ITPRIPL1: variants seen among roughly 807,000 people sequenced by gnomAD.
ITPRIPL1 encodes the protein inositol 1,4,5-trisphosphate receptor-interacting protein-like 1.
Under a neutral mutation model 40.0 loss-of-function variants are expected in ITPRIPL1, and 28 were observed. The observed-to-expected ratio is 0.70, with a 90% confidence interval of 0.52 to 0.96. The LOEUF is 0.96. Among genes scored for constraint, ITPRIPL1 ranks in the 40% least tolerant of loss-of-function variants. The probability of loss-of-function intolerance (pLI) is 0.00; values close to 1 mark genes in which losing one functional copy is unlikely to be tolerated. For synonymous variants in ITPRIPL1, 251 were observed against 275.7 expected (o/e 0.91, Z 0.89); for missense variants, 638 against 698.0 (o/e 0.91, Z 0.97).
In ITPRIPL1 at chr2:96,326,855, T is replaced by A. The variant is rs1201817574; in HGVS notation, c.224T>A (p.Phe75Tyr). 6.2e-7 allele frequency: 1 copy of A among 1,614,032 alleles called. No homozygotes were observed. Among genetic ancestry groups the A allele is most frequent in the Non-Finnish European group, 8.5e-7 (1 of 1,180,022 alleles). ...AAEQRQKAEN[F>Y]WTGDTSSDQL... ...GAGCAGAGGCAGAAGGCAGAGAACT[T>A]CTGGACAGGAGACACATCCAGTGAC... The change falls in exon 3 of 3, where the codon TTC (phenylalanine) becomes TAC (tyrosine). Residue 75 changes from phenylalanine to tyrosine, a missense_variant. Transcript: ENST00000439118.
chr2:96,325,598 T>A, intron 1 of ITPRIPL1, 33 bp downstream of exon 1: 1 of 592,628 alleles, frequency 1.7e-6, no homozygotes. Context: ...CCGGGAGACA[T>A]CCCGAGGTAG....
chr2:96,326,771 G>C lies in ITPRIPL1; in HGVS notation c.140G>C (p.Arg47Pro). The change falls in exon 3 of 3, where the codon CGA becomes CCA. Residue 47 changes from arginine to proline, a missense_variant. Physicochemically the swap from Arg to Pro is moderately radical, Grantham distance 103 (BLOSUM62 -2). Transcript: ENST00000439118. Reference protein sequence around the residue: ...TLARSRQLEKRMSEEMRLLEM... With the variant: ...TLARSRQLEKPMSEEMRLLEM... ...GCCAGGAGTCGGCAGCTGGAGAAGC[G>C]AATGAGTGAGGAGATGCGCCTGCTA... 2 of 1,614,212 alleles carry C rather than the reference G, an allele frequency of 1.2e-6. No individual in the cohort carries two copies. The highest frequency in any genetic ancestry group is 4.5e-5 in the East Asian group (2 of 44,890).
At position 96,327,310 on chromosome 2, in the gene ITPRIPL1, G is replaced by A. The variant is rs2064120282; in HGVS notation, c.679G>A (p.Gly227Arg). The A allele has an allele frequency of 1.2e-6, 2 of 1,614,014 alleles. No individual in the cohort carries two copies. Among genetic ancestry groups the A allele is most frequent in the African/African-American group, 1.3e-5 (1 of 74,882 alleles). Residue 227 changes from glycine (G) to arginine (R), a missense_variant, in exon 3 of 3, where the codon GGA becomes AGA. Coordinates refer to ENST00000439118, the MANE Select transcript of ITPRIPL1 (RefSeq NM_001008949.3). ...LGIGAAFEKW[G>R]TLHETQKFDI... is the part of the protein sequence containing the mutation. ...CATCGGGGCTGCCTTTGAGAAATGG[G>A]GAACCCTCCATGAGACCCAGAAATT...
Position 96,327,148 on chromosome 2 carries a change from A to G in ITPRIPL1, c.517A>G (p.Lys173Glu). 1.2e-6 allele frequency: 2 copies of G among 1,614,152 alleles called. No individual in the cohort carries two copies. Among genetic ancestry groups the G allele is most frequent in the Non-Finnish European group, 1.7e-6 (2 of 1,180,032 alleles). Residue 173 changes from lysine to glutamate, a missense_variant, in exon 3 of 3, where the codon AAA becomes GAA. Transcript: ENST00000439118. Reference sequence around the variant, plus strand: ...CCAGGAGGCCCTGGACTCCTTTTACAAACACTATGTCCAAAATGCCATCCG... The same window carrying G: ...CCAGGAGGCCCTGGACTCCTTTTACGAACACTATGTCCAAAATGCCATCCG... ...PSQEALDSFY[K>E]HYVQNAIRDL...
rs1239731971 is a variant in ITPRIPL1, at chr2:96,326,446, C to T, written c.11-196C>T. Reference sequence around the variant, plus strand: ...CAGGAGAGAGACTGAGTGGCACATCCTTTCGCCCTCTTTTCTCTCGAACCT... The same window carrying T: ...CAGGAGAGAGACTGAGTGGCACATCTTTTCGCCCTCTTTTCTCTCGAACCT... On this transcript the variant is annotated intron_variant, in intron 2 of 2. Transcript: ENST00000439118. 5 of 1,545,244 alleles carry T rather than the reference C, an allele frequency of 3.2e-6. No individual in the cohort carries two copies. In the African/African-American group the frequency reaches 5.5e-5, roughly 17 times the overall value.
rs1389000960 is a variant in ITPRIPL1 at position 96,328,311 on chromosome 2, T to C, written c.*12T>C. ...CTGCAGCACCTTGATGTAAAGACCA[T>C]TAAAAAAAAAACAGAGGAAGGTATT... On this transcript the variant is annotated 3_prime_UTR_variant, in exon 3 of 3. Transcript: ENST00000439118. The C allele has an allele frequency of 1.3e-6, 2 of 1,573,696 alleles. No homozygotes were observed. The highest frequency in any genetic ancestry group is 2.4e-5 in the South Asian group (2 of 84,960).
rs574982341 is a variant in ITPRIPL1 at position 96,326,074 on chromosome 2, C to T, written c.10+225C>T. 1.3e-5 allele frequency: 16 copies of T among 1,216,616 alleles called. No homozygotes were observed. The South Asian group carries it at 2.1e-4, about 16-fold the overall frequency. 75.4% of individuals were successfully genotyped at this position (1,216,616 alleles called of 1,614,324 possible). ...GCACCGTAGCAAGCAGCTGGCGGCACTGTGCCTCTCTTGCGCTCCCTGGGC... is the reference window on the plus strand; with the variant it reads ...GCACCGTAGCAAGCAGCTGGCGGCATTGTGCCTCTCTTGCGCTCCCTGGGC... On this transcript the variant is annotated intron_variant, in intron 2 of 2. Coordinates refer to ENST00000439118, the MANE Select transcript of ITPRIPL1 (RefSeq NM_001008949.3).
At position 96,327,881 on chromosome 2, in the gene ITPRIPL1, C is replaced by T; in HGVS notation, c.1250C>T (p.Thr417Ile). The T allele has an allele frequency of 6.2e-7, 1 of 1,614,114 alleles. No individual in the cohort carries two copies. The highest frequency in any genetic ancestry group is 8.5e-7 in the Non-Finnish European group (1 of 1,180,032). The part of the protein sequence containing the change: ...KLVGRFAPEN[T>I]CHLKCLQIIL... ...GTGGGGCGCTTTGCCCCCGAGAACA[C>T]CTGTCACCTCAAGTGCCTCCAGATC... Residue 417 changes from threonine to isoleucine, a missense_variant, in exon 3 of 3, where the codon ACC becomes ATC. Coordinates refer to ENST00000439118, the MANE Select transcript of ITPRIPL1 (RefSeq NM_001008949.3).
In ITPRIPL1 at chr2:96,326,976, T is replaced by C. The variant is rs745863238; in HGVS notation, c.345T>C (p.Thr115=). 1.7e-5 allele frequency: 28 copies of C among 1,614,224 alleles called. No homozygotes were observed. Among genetic ancestry groups the C allele is most frequent in the East Asian group, 6.7e-5 (3 of 44,884 alleles). The change falls in exon 3 of 3, where the codon ACT becomes ACC. Residue 115 remains threonine, a synonymous_variant. Coordinates refer to ENST00000439118, the MANE Select transcript of ITPRIPL1 (RefSeq NM_001008949.3). ...LGWMLGNLWN[T]GLFCLFLVFE... The stretch of plus-strand genomic sequence containing the variant: ...GGATGCTGGGAAACCTGTGGAACAC[T>C]GGCCTCTTTTGCCTTTTTCTCGTCT...
Position 96,327,698 on chromosome 2 carries a change from A to G in ITPRIPL1, c.1067A>G (p.Tyr356Cys). The G allele has an allele frequency of 1.2e-6, 2 of 1,613,316 alleles. No individual in the cohort carries two copies. Among genetic ancestry groups the G allele is most frequent in the South Asian group, 1.1e-5 (1 of 90,996 alleles). ...STTSCKLRLD[Y>C]RSGRFLSIHL... ...ACCTCCTGCAAGCTCCGGCTGGACTATCGCTCAGGCCGCTTTCTCTCAATC... is the reference window on the plus strand; with the variant it reads ...ACCTCCTGCAAGCTCCGGCTGGACTGTCGCTCAGGCCGCTTTCTCTCAATC... Residue 356 changes from tyrosine to cysteine, a missense_variant, in exon 3 of 3, where the codon TAT becomes TGT. Coordinates refer to ENST00000439118, the MANE Select transcript of ITPRIPL1 (RefSeq NM_001008949.3).
downstream of ITPRIPL1, chr2:96,329,666 A>G (rs2064147257): frequency 6.6e-6 from 1 of 152,058 alleles, no homozygotes; most frequent in South Asian, 2.1e-4. Context: ...TTGTATAGGA[A>G]AGGATTGGGA....
At chr2:96,326,005 T>C (rs1301722992) in intron 2 of ITPRIPL1, among the ~76,000 whole-genome samples, 156 bp downstream of exon 2, 1 of 152,188 alleles carries the variant, frequency 6.6e-6, no homozygotes, top group Non-Finnish European at 1.5e-5. Flanking sequence ...GAAGCTAGCC[T>C]GCCCACACAC....
In ITPRIPL1 at chr2:96,328,135, CT is replaced by C. The variant is rs773707348; in HGVS notation, c.1505del (p.Leu502ArgfsTer39). 3.1e-6 allele frequency: 5 copies of C among 1,614,098 alleles called. No homozygotes were observed. Among genetic ancestry groups the C allele is most frequent in the East Asian group, 2.2e-5 (1 of 44,876 alleles). Reference sequence around the variant, plus strand: ...CCTCATTGGTAACAATTTTCTGCCCCTGACCATCCCAATCCCTAAGACATTT... The same window carrying C: ...CCTCATTGGTAACAATTTTCTGCCCCGACCATCCCAATCCCTAAGACATTT... ...HFLIGNNFLP[L>X]TIPIPKTFRN... is the part of the protein sequence containing the mutation. On this transcript the variant is annotated frameshift_variant, in exon 3 of 3. Coordinates refer to ENST00000439118, the MANE Select transcript of ITPRIPL1 (RefSeq NM_001008949.3). LOFTEE classifies it high-confidence loss of function.
downstream of ITPRIPL1, chr2:96,329,187 ATATATATC>A (rs1223258299): frequency 1.6e-4 from 18 of 113,444 alleles, no homozygotes; most frequent in African/African-American, 5.6e-4. Flanking sequence ...ATATATATAT[ATATATATC>A]TCCAAGATGT....
intron 2 of ITPRIPL1, chr2:96,326,129 A>G: frequency 6.8e-7 from 1 of 1,472,462 alleles, no homozygotes; most frequent in Non-Finnish European, 9.1e-7. Context: ...GATGAGGCTC[A>G]CTTCATACTG....
rs1254013991 is a variant in ITPRIPL1 at position 96,326,908 on chromosome 2, G to A, written c.277G>A (p.Gly93Arg). 1 of 1,614,232 alleles carries A rather than the reference G, an allele frequency of 6.2e-7. No homozygotes were observed. Among genetic ancestry groups the A allele is most frequent in the Admixed American group, 1.7e-5 (1 of 60,032 alleles). Reference protein sequence around the residue: ...DQLVLGKKDMGWPFQADGQEG... With the variant: ...DQLVLGKKDMRWPFQADGQEG... ...GTTAGTGCTGGGGAAGAAAGACATG[G>A]GGTGGCCGTTCCAGGCCGATGGCCA... Residue 93 changes from glycine to arginine, a missense_variant, in exon 3 of 3, where the codon GGG (glycine) becomes AGG (arginine). Coordinates refer to ENST00000439118, the MANE Select transcript of ITPRIPL1 (RefSeq NM_001008949.3).
chr2:96,326,327 A>G, intron 2 of ITPRIPL1: 1 of 1,473,326 alleles, frequency 6.8e-7, no homozygotes, highest in Non-Finnish European at 9.0e-7. Context: ...ACCCTACCAC[A>G]AGGGTCCCCC....
At chr2:96,326,276 A>G (rs767772612) in intron 2 of ITPRIPL1, 2 of 1,444,160 alleles carry the variant, frequency 1.4e-6, no homozygotes, top group Admixed American at 2.1e-5. Context: ...TCAGCAGGTC[A>G]TATCTGGTGC....
In ITPRIPL1 at chr2:96,327,540, C is replaced by G; in HGVS notation, c.909C>G (p.Ile303Met). The part of the protein sequence containing the change: ...SAVLGKCSSS[I>M]KAALCTGFHL... The stretch of plus-strand genomic sequence containing the variant: ...TCTTGGGGAAGTGTAGTAGCTCCAT[C>G]AAGGCAGCTCTCTGCACCGGCTTCC... The change falls in exon 3 of 3, where the codon ATC becomes ATG. Residue 303 changes from isoleucine (I) to methionine (M), a missense_variant. Transcript: ENST00000439118. 1 of 1,613,804 alleles carries G rather than the reference C, an allele frequency of 6.2e-7. No homozygotes were observed. Among genetic ancestry groups the G allele is most frequent in the Middle Eastern group, 1.7e-4 (1 of 6,060 alleles).
Sources: allele counts gnomAD v4.1 joint callset (sites outside exome capture counted in the v4.1 genomes callset), GRCh38; gene constraint gnomAD v4.1.1; transcripts MANE v1.5; gene names NCBI Gene and HGNC (gene_info 2026-07-23, HGNC 2026-07-21).